FKBP5: variants seen among roughly 807,000 people sequenced by gnomAD.
The protein encoded by FKBP5 is peptidyl-prolyl cis-trans isomerase FKBP5.
In FKBP5, 23 loss-of-function variants were observed where a neutral mutation model predicts 50.5. The ratio of observed to expected loss-of-function variants is 0.46; its 90% CI spans 0.33 to 0.65. The LOEUF (loss-of-function observed/expected upper bound fraction) is 0.65. FKBP5 is among the 30% of genes least tolerant of loss of function. The pLI, the probability that FKBP5 is intolerant of heterozygous loss-of-function variation, is 0.02. For missense variants in FKBP5, 411 were observed against 553.1 expected, an observed-to-expected ratio of 0.74 and a Z score of 2.58; for synonymous variants, 176 against 190.6, an observed-to-expected ratio of 0.92 and a Z score of 0.63.
chr6:35,697,860 T>C lies in FKBP5; in HGVS notation c.-20+22468A>G, dbSNP rs149018629. 4.9e-3 allele frequency among the ~76,000 whole-genome samples: 746 copies of C among 152,322 alleles called. 9 individuals carry two copies. The highest frequency in any genetic ancestry group is 0.017 in the African/African-American group (716 of 41,558). On this transcript the variant is annotated intron_variant, in intron 2 of 11. Transcript: ENST00000536438. ...CTAAAAACCATTGTGCTGTACACTT[T>C]AAGTGGGTGAACTGTATGGTATGTG...
rs1762249839 is a variant in FKBP5 at position 35,577,217 on chromosome 6, C to T, written c.1043G>A (p.Ser348Asn). The change falls in exon 10 of 11, where the codon AGT (serine) becomes AAT (asparagine). Residue 348 changes from serine to asparagine, a missense_variant. By Grantham distance (46) the Ser-to-Asn change is conservative. Around this residue, in one of 3 missense-constraint regions of FKBP5, gnomAD observed 267 missense variants for 405.9 expected, o/e 0.66. Transcript: ENST00000357266. ...CCTATACAAGCCTTTCTCATTGGCA[C>T]TGTCCAGTCCAAGGGCCTAGGAATA... ...ECCDKALGLD[S>N]ANEKGLYRRG... The T allele has an allele frequency of 2.5e-6, 4 of 1,607,120 alleles. No homozygotes were observed. Among genetic ancestry groups the T allele is most frequent in the Non-Finnish European group, 2.6e-6 (3 of 1,175,684 alleles).
intron 2 of FKBP5, among the ~76,000 whole-genome samples, chr6:35,641,790 A>G (rs911810659): frequency 6.6e-6 from 1 of 152,078 alleles, no homozygotes; most frequent in African/African-American, 2.4e-5. Context: ...GGATCACCTG[A>G]GGTCAGGAGT....
rs1033577305 is a variant in FKBP5 at position 35,634,533 on chromosome 6, C to A, written c.250+2481G>T. 3.3e-5 allele frequency among the ~76,000 whole-genome samples: 5 copies of A among 152,230 alleles called. No homozygotes were observed. The East Asian group carries it at 9.6e-4, about 29-fold the overall frequency. On this transcript the variant is annotated intron_variant, in intron 3 of 10. Transcript: ENST00000357266. ...TGGACGGGAAGCAGAATTCACCAGG[C>A]ACACAAATGATACAGGAAGCAGGGA...
chr6:35,586,881 A>AT, intron 8 of FKBP5, 153 bp downstream of exon 8: 1 of 1,482,646 alleles, frequency 6.7e-7, no homozygotes, highest in Non-Finnish European at 9.0e-7. Context: ...TTTTCTCACC[A>AT]TTTTTCATAT....
chr6:35,699,931 C>T (rs1766149576), intron 2 of FKBP5, among the ~76,000 whole-genome samples: 1 of 151,978 alleles, frequency 6.6e-6, no homozygotes, highest in African/African-American at 2.4e-5. Context: ...CCTGTAATCC[C>T]AGCTACTCGG....
At chr6:35,696,241 G>T (rs1409481415) in intron 2 of FKBP5, among the ~76,000 whole-genome samples, 1 of 151,766 alleles carries the variant, frequency 6.6e-6, no homozygotes, top group African/African-American at 2.4e-5. Flanking sequence ...GGAAAAACTG[G>T]CCAGGCACGG....
intron 8 of FKBP5, chr6:35,581,745 A>G: frequency 1.0e-6 from 1 of 985,482 alleles, no homozygotes; most frequent in Non-Finnish European, 1.2e-6. Context: ...TGAGGAGGTG[A>G]TAAGCTCAAA....
intron 7 of FKBP5, among the ~76,000 whole-genome samples, chr6:35,587,894 G>C (rs959557718): frequency 1.7e-4 from 26 of 152,068 alleles, no homozygotes; most frequent in African/African-American, 6.3e-4. Flanking sequence ...CAGTGGGTGT[G>C]GTCAGTGCTA....
rs140679768 is a variant in FKBP5, at chr6:35,663,700, T to G, written c.-19-20857A>C. Among the ~76,000 whole-genome samples the G allele has an allele frequency of 2.8e-4, 42 of 152,344 alleles. 1 individual carries two copies. The East Asian group carries it at 8.1e-3, about 29-fold the overall frequency. ...TGGAACTCTTCCCTGGTTAGCTGCA[T>G]AGCTCACTCCCTCACTCGCTTCAGG... On this transcript the variant is annotated intron_variant, in intron 1 of 10. Coordinates refer to ENST00000357266, the MANE Select transcript of FKBP5 (RefSeq NM_004117.4).
chr6:35,666,339 T>C (rs1046329984), intron 1 of FKBP5, among the ~76,000 whole-genome samples: 4 of 117,186 alleles, frequency 3.4e-5, no homozygotes, highest in African/African-American at 1.2e-4. Flanking sequence ...AAATAACCTG[T>C]AGATATTCTC....
upstream of FKBP5, among the ~76,000 whole-genome samples, chr6:35,689,835 C>CAAAACA (rs1765949404): frequency 6.6e-6 from 1 of 151,716 alleles, no homozygotes; most frequent in South Asian, 2.1e-4. Context: ...GACTCCATCT[C>CAAAACA]AAAACAAAAA....
intron 2 of FKBP5, among the ~76,000 whole-genome samples, chr6:35,702,490 T>C (rs1187054524): frequency 6.6e-6 from 1 of 151,162 alleles, no homozygotes; most frequent in African/African-American, 2.4e-5. Context: ...TCTTGCTCTG[T>C]CCCCCAGGCT....
intron 3 of FKBP5, among the ~76,000 whole-genome samples, chr6:35,633,004 T>A (rs1302057086): frequency 6.6e-6 from 1 of 152,154 alleles, no homozygotes; most frequent in East Asian, 1.9e-4. Context: ...ATTTGTGTAT[T>A]TTATGATATG....
chr6:35,684,029 G>C (rs1030061410), intron 1 of FKBP5, among the ~76,000 whole-genome samples: 6 of 152,056 alleles, frequency 3.9e-5, no homozygotes, highest in African/African-American at 1.4e-4. Flanking sequence ...ACTCCAGCCT[G>C]AGCAACAGAG....
chr6:35,689,709 C>A (rs896400625), upstream of FKBP5, among the ~76,000 whole-genome samples: 1 of 151,986 alleles, frequency 6.6e-6, no homozygotes, highest in African/African-American at 2.4e-5. Context: ...GGCTTGGTGG[C>A]GCGCGCCGTC....
intron 1 of FKBP5, among the ~76,000 whole-genome samples, chr6:35,687,903 C>A (rs540603250): frequency 2.9e-4 from 44 of 152,346 alleles, no homozygotes; most frequent in African/African-American, 1.1e-3. Flanking sequence ...TCGAAGAAAG[C>A]CACTCTGCAC....
At chr6:35,718,537 C>CT (rs936542238) in intron 2 of FKBP5, among the ~76,000 whole-genome samples, 1 of 152,156 alleles carries the variant, frequency 6.6e-6, no homozygotes, top group African/African-American at 2.4e-5. Flanking sequence ...CTGTGTGATT[C>CT]TGAATAAGTC....
chr6:35,632,090 A>G (rs1399805531), intron 3 of FKBP5, among the ~76,000 whole-genome samples: 1 of 152,062 alleles, frequency 6.6e-6, no homozygotes, highest in Non-Finnish European at 1.5e-5. Flanking sequence ...AGAAGTATGT[A>G]TGAAAATCCT....
intron 1 of FKBP5, among the ~76,000 whole-genome samples, chr6:35,670,743 AG>A (rs1561887006): frequency 1.7e-4 from 25 of 151,382 alleles, no homozygotes; most frequent in African/African-American, 3.2e-4. Flanking sequence ...AAAAAAAAAA[AG>A]AAAGAAAAGA....
Sources: allele counts gnomAD v4.1 joint callset (sites outside exome capture counted in the v4.1 genomes callset), GRCh38; gene constraint gnomAD v4.1.1; regional missense constraint gnomAD v4.1.1; transcripts MANE v1.5; gene names NCBI Gene and HGNC (gene_info 2026-07-23, HGNC 2026-07-21).